The following ULK2 variants were observed in gnomAD, a reference collection of about 807,000 sequenced individuals.
The protein encoded by ULK2 is serine/threonine-protein kinase ULK2.
A neutral mutation model predicts 127.5 loss-of-function variants in ULK2; 76 were observed. The ratio of observed to expected loss-of-function variants is 0.60; its 90% CI spans 0.50 to 0.72. The LOEUF is 0.72. ULK2 is among the 30% of genes least tolerant of loss of function. The probability of loss-of-function intolerance (pLI) is 0.00; values close to 1 mark genes in which losing one functional copy is unlikely to be tolerated. For missense variants in ULK2, 1,144 were observed against 1,295.9 expected, an observed-to-expected ratio of 0.88 and a Z score of 1.80; for synonymous variants, 452 against 461.9, an observed-to-expected ratio of 0.98 and a Z score of 0.28.
chr17:19,811,099 A>G (rs912160544), intron 13 of ULK2: 1 of 152,214 alleles, frequency 6.6e-6, no homozygotes, highest in Non-Finnish European at 1.5e-5. Context: ...CAAAAAAAAA[A>G]CATAATAATG....
chr17:19,867,214 T>C (rs930624201), intron 1 of ULK2, 114 bp downstream of exon 1: 1 of 764,266 alleles, frequency 1.3e-6, no homozygotes, highest in Non-Finnish European at 1.9e-6. Context: ...CACAATAGCA[T>C]ACCCGGGCGG....
rs1442421259 is a variant in ULK2 at position 19,776,386 on chromosome 17, C to T, written c.3074G>A (p.Arg1025Lys). The T allele has an allele frequency of 4.4e-6, 7 of 1,603,882 alleles. No homozygotes were observed. The highest frequency in any genetic ancestry group is 6.0e-6 in the Non-Finnish European group (7 of 1,175,396). ...VHKYKCSIER[R>K]LSALCHSTAT... ...GGTGCTATGGCAGAGCGCCGACAGTCTTCTCTCAATACTACATTTATCTAG... is the reference window on the plus strand; with the variant it reads ...GGTGCTATGGCAGAGCGCCGACAGTTTTCTCTCAATACTACATTTATCTAG... The change falls in exon 27 of 27, where the codon AGA becomes AAA. Residue 1025 changes from arginine to lysine, a missense_variant. Around this residue, in one of 2 missense-constraint regions of ULK2, gnomAD observed 913 missense variants for 970.5 expected, o/e 0.94. Transcript: ENST00000395544.
At chr17:19,791,317 A>C (rs2152384083) in intron 20 of ULK2, among the ~76,000 whole-genome samples, 1 of 152,340 alleles carries the variant, frequency 6.6e-6, no homozygotes, top group East Asian at 1.9e-4. Context: ...CGGGAGGCTG[A>C]GGCGGGCAGA....
At chr17:19,825,012 CCA>C (rs1406377778) in intron 12 of ULK2, 80 bp downstream of exon 12, 3 of 1,245,902 alleles carry the variant, frequency 2.4e-6, no homozygotes, top group African/African-American at 3.0e-5. Flanking sequence ...AAAAGAATAT[CCA>C]CAGTGTATGT....
chr17:19,782,321 G>A (rs1007324586), intron 22 of ULK2, among the ~76,000 whole-genome samples: 1 of 152,140 alleles, frequency 6.6e-6, no homozygotes, highest in Non-Finnish European at 1.5e-5. Flanking sequence ...ATGGGTCGCT[G>A]TGCTTTTACC....
chr17:19,779,015 G>A (rs975251402), intron 25 of ULK2, among the ~76,000 whole-genome samples: 2 of 152,098 alleles, frequency 1.3e-5, no homozygotes. Flanking sequence ...ATCATATGAG[G>A]TCTCAACTCA....
intron 10 of ULK2, among the ~76,000 whole-genome samples, chr17:19,835,051 T>C (rs1245968946): frequency 6.6e-6 from 1 of 151,976 alleles, no homozygotes; most frequent in East Asian, 1.9e-4. Context: ...ATAGACATAA[T>C]ATGTAAGACA....
intron 14 of ULK2, among the ~76,000 whole-genome samples, chr17:19,809,504 G>A (rs570926061): frequency 2.6e-5 from 4 of 152,046 alleles, no homozygotes; most frequent in Admixed American, 2.0e-4. Flanking sequence ...AGGCCGAGGC[G>A]GGCAATCACC....
intron 7 of ULK2, 105 bp downstream of exon 7, chr17:19,845,199 G>C: frequency 1.0e-6 from 1 of 982,108 alleles, no homozygotes. Flanking sequence ...TAACAACTTG[G>C]ACTATATGTA....
At chr17:19,859,783 C>T (rs1331972227) in intron 3 of ULK2, among the ~76,000 whole-genome samples, 1 of 152,112 alleles carries the variant, frequency 6.6e-6, no homozygotes, top group African/African-American at 2.4e-5. Flanking sequence ...GGGCTCAAGC[C>T]TTCCTTCCAT....
rs1440418551 is a variant in ULK2 at position 19,770,884 on chromosome 17, G to A, written c.*5465C>T. 1 of 152,136 alleles carries A rather than the reference G, an allele frequency of 6.6e-6. No individual in the cohort carries two copies. Among genetic ancestry groups the A allele is most frequent in the Non-Finnish European group, 1.5e-5 (1 of 68,036 alleles). The allele number at this position is 152,136 out of a possible 1,614,324, so 9.4% of individuals were successfully genotyped here. On this transcript the variant is annotated 3_prime_UTR_variant, in exon 27 of 27. Coordinates refer to ENST00000395544, the MANE Select transcript of ULK2 (RefSeq NM_014683.4). ...CATGTCTCCCAAGTCTTTTTTACTGGGAGTTTCAGGGTGGTCTCTGAAATC... is the reference window on the plus strand; with the variant it reads ...CATGTCTCCCAAGTCTTTTTTACTGAGAGTTTCAGGGTGGTCTCTGAAATC...
chr17:19,834,040 CAG>C (rs1048140689), intron 10 of ULK2, among the ~76,000 whole-genome samples: 22 of 152,148 alleles, frequency 1.4e-4, no homozygotes, highest in Admixed American at 3.9e-4. Flanking sequence ...AAATCAAAGA[CAG>C]AGAAAAATCT....
intron 10 of ULK2, among the ~76,000 whole-genome samples, chr17:19,834,984 A>G (rs1290229437): frequency 1.3e-5 from 2 of 152,032 alleles, no homozygotes. Flanking sequence ...CACTTCTTAA[A>G]AAGAGGTAAG....
At position 19,772,452 on chromosome 17, in the gene ULK2, AG is replaced by A. The variant is rs1361860115; in HGVS notation, c.*3896del. 6.6e-6 allele frequency: 1 copy of A among 152,236 alleles called. No individual in the cohort carries two copies. The highest frequency in any genetic ancestry group is 1.5e-5 in the Non-Finnish European group (1 of 68,056). The allele number at this position is 152,236 out of a possible 1,614,324, so 9.4% of individuals were successfully genotyped here. A position where few individuals can be genotyped will look rare whatever the true frequency, so the allele number is the denominator to read the frequency against. On this transcript the variant is annotated 3_prime_UTR_variant, in exon 27 of 27. Transcript: ENST00000395544. ...CTGCAGATTCAAGGGTCCAGGACTCAGAAAAAAGTGGTCTGAGGCCGTCTAG... is the reference window on the plus strand; with the variant it reads ...CTGCAGATTCAAGGGTCCAGGACTCAAAAAAAGTGGTCTGAGGCCGTCTAG...
At chr17:19,864,933 T>C in intron 2 of ULK2, 89 bp from the exon 3 acceptor site, 1 of 508,302 alleles carries the variant, frequency 2.0e-6, no homozygotes, top group Non-Finnish European at 3.2e-6. Flanking sequence ...AGTATACACA[T>C]ACACTTCTAG....
chr17:19,795,003 C>T (rs1398911150), intron 20 of ULK2, among the ~76,000 whole-genome samples: 5 of 152,058 alleles, frequency 3.3e-5, no homozygotes, highest in African/African-American at 9.6e-5. Flanking sequence ...GGTGTGAACC[C>T]GGGAGGCGGA....
Position 19,776,128 on chromosome 17 carries a change from T to C in ULK2, c.*221A>G. ...AGCCAAACACTCTTGCTCCTGCTTC[T>C]ACAAAGAAAAAGGGAAAGGGTGATT... On this transcript the variant is annotated 3_prime_UTR_variant, in exon 27 of 27. Coordinates refer to ENST00000395544, the MANE Select transcript of ULK2 (RefSeq NM_014683.4). 2 of 501,758 alleles carry C rather than the reference T, an allele frequency of 4.0e-6. No homozygotes were observed. Among genetic ancestry groups the C allele is most frequent in the Non-Finnish European group, 7.1e-6 (2 of 280,670 alleles). The allele number at this position is 501,758 out of a possible 1,614,324, so 31.1% of individuals were successfully genotyped here.
intron 12 of ULK2, among the ~76,000 whole-genome samples, chr17:19,819,030 A>AC (rs1247582085): frequency 6.6e-6 from 1 of 151,596 alleles, no homozygotes; most frequent in African/African-American, 2.4e-5. Context: ...TGAACTCCTG[A>AC]CCTCATGATC....
Position 19,829,548 on chromosome 17 carries a change from A to AAGGGGGGG in ULK2, c.788-3363_788-3362insCCCCCCCT, listed in dbSNP as rs531835867. On this transcript the variant is annotated intron_variant, in intron 10 of 26. Transcript: ENST00000395544. ...TGAGACCCTGTCAAGGAAAAAAAAAAGGGGGGGGGCTGGGCACGGTAGCTC... is the reference window on the plus strand; with the variant it reads ...TGAGACCCTGTCAAGGAAAAAAAAAAAGGGGGGGGGGGGGGGGCTGGGCACGGTAGCTC... Among the ~76,000 whole-genome samples, 142 of 25,482 alleles carry AAGGGGGGG rather than the reference A, an allele frequency of 5.6e-3. 33 individuals carry two copies. Among genetic ancestry groups the AAGGGGGGG allele is most frequent in the Non-Finnish European group, 8.7e-3 (99 of 11,434 alleles). The allele number at this position is 25,482 out of a possible 152,430, so 16.7% of individuals were successfully genotyped here.
Sources: gnomAD v4.1 joint callset for allele counts (sites outside exome capture counted in the v4.1 genomes callset) on GRCh38, gnomAD v4.1.1 for gene constraint, gnomAD v4.1.1 regional missense constraint, MANE v1.5 for transcripts, NCBI Gene and HGNC (gene_info 2026-07-23, HGNC 2026-07-21) for gene names.